RNLS: variants seen among roughly 807,000 people sequenced by gnomAD.
The protein encoded by RNLS is renalase, FAD dependent amine oxidase, also known as renalase.
Under a neutral mutation model 39.8 loss-of-function variants are expected in RNLS, and 39 were observed. The observed-to-expected ratio is 0.98, with a 90% confidence interval of 0.76 to 1.28. The LOEUF is 1.28. Among genes scored for constraint, RNLS ranks in the 50% most tolerant of loss-of-function variants. The pLI is 0.00. For synonymous variants in RNLS, 147 were observed against 150.7 expected (o/e 0.98, Z 0.18); for missense variants, 410 against 413.3 (o/e 0.99, Z 0.07).
chr10:88,413,117 G>A (rs1853797710), intron 4 of RNLS, among the ~76,000 whole-genome samples: 1 of 152,190 alleles, frequency 6.6e-6, no homozygotes, highest in African/African-American at 2.4e-5. Flanking sequence ...CATCGAGGTG[G>A]AGGGTTGAGA....
chr10:88,218,583 A>G, the RNLS span, among the ~76,000 whole-genome samples: 1,255 of 152,320 alleles, frequency 8.2e-3, 13 homozygotes, highest in African/African-American at 0.029. Context: ...GAAAGGGCCA[A>G]TGGACACCCA....
intron 5 of RNLS, among the ~76,000 whole-genome samples, chr10:88,346,469 C>T (rs957797367): frequency 9.9e-5 from 15 of 152,264 alleles, no homozygotes; most frequent in African/African-American, 3.6e-4. Context: ...GAAGAACTCA[C>T]ATATGCTTTT....
the RNLS span, among the ~76,000 whole-genome samples, chr10:88,188,018 C>T: frequency 6.6e-6 from 1 of 152,138 alleles, no homozygotes; most frequent in Admixed American, 6.5e-5. Context: ...ATTTATTTGA[C>T]ACATGCCATG....
chr10:88,205,443 C>T, the RNLS span, among the ~76,000 whole-genome samples: 13 of 152,146 alleles, frequency 8.5e-5, no homozygotes, highest in South Asian at 8.3e-4. Context: ...TTTGAAGTTC[C>T]GCAGTAATGG....
the RNLS span, among the ~76,000 whole-genome samples, chr10:88,176,186 T>C: frequency 7.1e-6 from 1 of 141,422 alleles, no homozygotes; most frequent in Non-Finnish European, 1.6e-5. Context: ...TTTTTTTTTT[T>C]CTTTTTTGAG....
At chr10:88,298,189 T>G (rs1844230879) in intron 6 of RNLS, among the ~76,000 whole-genome samples, 1 of 152,150 alleles carries the variant, frequency 6.6e-6, no homozygotes. Context: ...TTTTTATTTT[T>G]TATTTTTTGC....
chr10:88,247,849 T>G, the RNLS span, among the ~76,000 whole-genome samples: 2 of 152,136 alleles, frequency 1.3e-5, no homozygotes, highest in African/African-American at 4.8e-5. Context: ...TGATGAGATA[T>G]GAGAAAGACT....
intron 5 of RNLS, among the ~76,000 whole-genome samples, chr10:88,345,822 A>G (rs1848263190): frequency 6.6e-6 from 1 of 152,126 alleles, no homozygotes; most frequent in Admixed American, 6.6e-5. Context: ...CTGATATTGG[A>G]CCATTTTTAA....
the RNLS span, among the ~76,000 whole-genome samples, chr10:88,239,191 C>A: frequency 5.3e-5 from 8 of 152,236 alleles, no homozygotes; most frequent in South Asian, 1.7e-3. Flanking sequence ...TCCAAATGGC[C>A]AGCACATGTC....
downstream of RNLS, among the ~76,000 whole-genome samples, chr10:88,282,129 ACTTAGC>A (rs1240154152): frequency 6.6e-6 from 1 of 152,140 alleles, no homozygotes; most frequent in East Asian, 1.9e-4. Flanking sequence ...AGTATGAATC[ACTTAGC>A]CAGTACTTAC....
chr10:88,231,148 G>T, the RNLS span, among the ~76,000 whole-genome samples: 70,314 of 152,024 alleles, frequency 0.46, 16,317 homozygotes, highest in East Asian at 0.56. Flanking sequence ...TAAAGTCCTG[G>T]CCCTCAGTAC....
intron 4 of RNLS, among the ~76,000 whole-genome samples, chr10:88,542,058 C>A (rs1010762175): frequency 3.3e-5 from 5 of 152,064 alleles, no homozygotes; most frequent in African/African-American, 1.2e-4. Flanking sequence ...CTGTAAGAGC[C>A]CCTTTCCACT....
the RNLS span, among the ~76,000 whole-genome samples, chr10:88,264,420 A>G: frequency 1.3e-5 from 2 of 152,174 alleles, no homozygotes; most frequent in African/African-American, 4.8e-5. Flanking sequence ...CGGTTGTACT[A>G]GTTTACATTT....
chr10:88,235,468 G>C, the RNLS span, among the ~76,000 whole-genome samples: 1 of 152,018 alleles, frequency 6.6e-6, no homozygotes, highest in Non-Finnish European at 1.5e-5. Context: ...AAGCTCATGT[G>C]CCAGACATTG....
intron 5 of RNLS, chr10:88,343,739 A>C: frequency 1.0e-6 from 1 of 985,366 alleles, no homozygotes; most frequent in Non-Finnish European, 1.2e-6. Flanking sequence ...ACACCTCCCA[A>C]GCTTCATGAA....
intron 4 of RNLS, among the ~76,000 whole-genome samples, chr10:88,367,062 C>G (rs1850175414): frequency 6.6e-6 from 1 of 151,804 alleles, no homozygotes; most frequent in African/African-American, 2.4e-5. Flanking sequence ...TATATGTACA[C>G]ATAAATATAT....
chr10:88,305,458 T>C (rs1278282935), intron 6 of RNLS, among the ~76,000 whole-genome samples: 2 of 152,148 alleles, frequency 1.3e-5, no homozygotes, highest in Non-Finnish European at 2.9e-5. Flanking sequence ...CCATCTCACA[T>C]GCAATGATGC....
chr10:88,395,236 G>GAA (rs35753713), intron 4 of RNLS, among the ~76,000 whole-genome samples: 1 of 134,662 alleles, frequency 7.4e-6, no homozygotes, highest in African/African-American at 2.7e-5. Flanking sequence ...TTTAAAAGAT[G>GAA]AAAAAAAAAA....
the RNLS span, among the ~76,000 whole-genome samples, chr10:88,204,838 G>C: frequency 6.6e-6 from 1 of 152,004 alleles, no homozygotes; most frequent in Non-Finnish European, 1.5e-5. Context: ...TGTATTGAAT[G>C]CTTCCTCTGT....
Sources: gnomAD v4.1 joint callset for allele counts (sites outside exome capture counted in the v4.1 genomes callset) on GRCh38, gnomAD v4.1.1 for gene constraint, MANE v1.5 for transcripts, NCBI Gene and HGNC (gene_info 2026-07-23, HGNC 2026-07-21) for gene names.